The following STPG2 variants were observed in gnomAD, a reference collection of about 807,000 sequenced individuals.
The protein encoded by STPG2 is sperm tail PG-rich repeat containing 2, also known as sperm-tail PG-rich repeat-containing protein 2.
In STPG2, 56 loss-of-function variants were observed where a neutral mutation model predicts 54.2. That is an observed-to-expected ratio of 1.03 (90% CI 0.83 to 1.29). The LOEUF (loss-of-function observed/expected upper bound fraction) is 1.29. Ranked by LOEUF, STPG2 falls within the 50% of genes most tolerant of loss-of-function variation. The pLI, the probability that STPG2 is intolerant of heterozygous loss-of-function variation, is 0.00. For missense variants in STPG2, 596 were observed against 544.9 expected (o/e 1.09, Z -0.93); for synonymous variants, 200 against 181.8 (o/e 1.10, Z -0.81).
chr4:97,837,166 T>C (rs1728658906), intron 9 of STPG2, among the ~76,000 whole-genome samples: 1 of 151,692 alleles, frequency 6.6e-6, no homozygotes, highest in Admixed American at 6.6e-5. Flanking sequence ...TTGGAGTTTT[T>C]ATTACTTTTT....
Position 97,971,131 on chromosome 4 carries a change from A to T in STPG2, c.933+1149T>A, listed in dbSNP as rs571623023. On this transcript the variant is annotated intron_variant, in intron 7 of 10. Coordinates refer to ENST00000295268, the MANE Select transcript of STPG2 (RefSeq NM_174952.3). ...CCATCTCACACCAGTTAGAATGGTGATCATTAAAAAGTCAGAAAACAGCAG... is the reference window on the plus strand; with the variant it reads ...CCATCTCACACCAGTTAGAATGGTGTTCATTAAAAAGTCAGAAAACAGCAG... 3.3e-5 allele frequency among the ~76,000 whole-genome samples: 5 copies of T among 152,356 alleles called. No individual in the cohort carries two copies. In the East Asian group the frequency reaches 9.6e-4, roughly 29 times the overall value.
At chr4:97,949,076 A>G (rs1406430989) in intron 7 of STPG2, among the ~76,000 whole-genome samples, 1 of 152,138 alleles carries the variant, frequency 6.6e-6, no homozygotes, top group African/African-American at 2.4e-5. Context: ...TAATTGTTTT[A>G]AAAATCTGAG....
intron 4 of STPG2, among the ~76,000 whole-genome samples, chr4:97,518,865 C>A (rs943370921): frequency 6.6e-6 from 1 of 152,038 alleles, no homozygotes; most frequent in African/African-American, 2.4e-5. Flanking sequence ...AGGCTCAACA[C>A]CATCCTTTTT....
chr4:97,624,402 G>A (rs1028613636), intron 10 of STPG2, among the ~76,000 whole-genome samples: 3 of 152,082 alleles, frequency 2.0e-5, no homozygotes, highest in Non-Finnish European at 4.4e-5. Context: ...TCATATGTGT[G>A]TTGGCCGCAT....
chr4:98,052,545 T>A (rs909244779), intron 5 of STPG2, among the ~76,000 whole-genome samples: 1 of 152,232 alleles, frequency 6.6e-6, no homozygotes, highest in African/African-American at 2.4e-5. Flanking sequence ...AATATGTTTT[T>A]ATGTTTTGTT....
intron 4 of STPG2, among the ~76,000 whole-genome samples, chr4:97,456,532 C>T (rs1320392108): frequency 6.6e-6 from 1 of 151,940 alleles, no homozygotes; most frequent in Non-Finnish European, 1.5e-5. Flanking sequence ...AACACAGAGC[C>T]AAACCATATT....
Position 98,106,796 on chromosome 4 carries a change from A to G in STPG2, c.501-732T>C, listed in dbSNP as rs1739200653. Among the ~76,000 whole-genome samples the G allele has an allele frequency of 3.3e-5, 5 of 152,184 alleles. No homozygotes were observed. In the South Asian group the frequency reaches 1.0e-3, roughly 32 times the overall value. ...TGGTTAATGCCATACATGGCTCATAATAAGCACACAGTAACTGTTAGCTAT... is the reference window on the plus strand; with the variant it reads ...TGGTTAATGCCATACATGGCTCATAGTAAGCACACAGTAACTGTTAGCTAT... On this transcript the variant is annotated intron_variant, in intron 4 of 10. Coordinates refer to ENST00000295268, the MANE Select transcript of STPG2 (RefSeq NM_174952.3).
chr4:97,756,320 T>C (rs929254725), intron 9 of STPG2, among the ~76,000 whole-genome samples: 3 of 152,082 alleles, frequency 2.0e-5, no homozygotes, highest in African/African-American at 7.2e-5. Context: ...TGTTTTTGTT[T>C]TATTTTGTTT....
intron 5 of STPG2, among the ~76,000 whole-genome samples, chr4:97,983,361 G>A (rs971517150): frequency 6.6e-6 from 1 of 152,122 alleles, no homozygotes; most frequent in African/African-American, 2.4e-5. Flanking sequence ...GTTAACAATA[G>A]CCAATTTGTA....
At chr4:98,086,666 G>GAAAA (rs35225418) in intron 5 of STPG2, among the ~76,000 whole-genome samples, 1,472 of 94,856 alleles carry the variant, frequency 0.016, 59 homozygotes, top group African/African-American at 0.053. Context: ...ATGCATGCCA[G>GAAAA]AAAAAAAAAA....
At chr4:97,666,716 GAAC>G in intron 10 of STPG2, among the ~76,000 whole-genome samples, 1 of 152,158 alleles carries the variant, frequency 6.6e-6, no homozygotes, top group South Asian at 2.1e-4. Context: ...TAAGCCTTGT[GAAC>G]TCGGTAAATT....
intron 10 of STPG2, among the ~76,000 whole-genome samples, chr4:97,625,556 G>A (rs914815534): frequency 3.1e-4 from 47 of 152,152 alleles, no homozygotes; most frequent in East Asian, 1.4e-3. Context: ...CTCGGGATCC[G>A]CCTGCCTCAG....
At position 98,128,568 on chromosome 4, in the gene STPG2, T is replaced by A. The variant is rs1203254971; in HGVS notation, c.247A>T (p.Thr83Ser). 6.2e-7 allele frequency: 1 copy of A among 1,608,054 alleles called. No individual in the cohort carries two copies. The highest frequency in any genetic ancestry group is 8.5e-7 in the Non-Finnish European group (1 of 1,178,308). Reference sequence around the variant, plus strand: ...ATTGAAGGAACATCAACACTTCTGGTAAGTGTAGGTGATCTTGAAATTTTC... The same window carrying A: ...ATTGAAGGAACATCAACACTTCTGGAAAGTGTAGGTGATCTTGAAATTTTC... The part of the protein sequence containing the change: ...AQKISRSPTL[T>S]RSVDVPSIPS... Residue 83 changes from threonine to serine, a missense_variant, in exon 3 of 11, where the codon ACC (threonine) becomes TCC (serine). Thr to Ser is a moderately conservative substitution (Grantham distance 58, BLOSUM62 1). Coordinates refer to ENST00000295268, the MANE Select transcript of STPG2 (RefSeq NM_174952.3).
chr4:97,639,242 A>G (rs535752163), intron 10 of STPG2, among the ~76,000 whole-genome samples: 1 of 152,142 alleles, frequency 6.6e-6, no homozygotes, highest in South Asian at 2.1e-4. Flanking sequence ...AACTATCGCA[A>G]GAACAAAACC....
chr4:97,800,378 G>C (rs1727346247), intron 9 of STPG2, among the ~76,000 whole-genome samples: 1 of 152,182 alleles, frequency 6.6e-6, no homozygotes, highest in African/African-American at 2.4e-5. Context: ...CATCCTTTCT[G>C]TTTGTTAGTT....
At chr4:97,896,606 T>A (rs951542317) in intron 8 of STPG2, among the ~76,000 whole-genome samples, 3 of 151,802 alleles carry the variant, frequency 2.0e-5, no homozygotes, top group African/African-American at 7.2e-5. Flanking sequence ...AATACACCCA[T>A]CACTATCTAT....
intron 9 of STPG2, among the ~76,000 whole-genome samples, chr4:97,785,583 G>A (rs2149075936): frequency 6.6e-6 from 1 of 152,176 alleles, no homozygotes; most frequent in Admixed American, 6.5e-5. Context: ...TTGTTCAAAT[G>A]TTATAGTGGT....
intron 9 of STPG2, among the ~76,000 whole-genome samples, chr4:97,777,135 G>A (rs1726402846): frequency 6.6e-6 from 1 of 152,150 alleles, no homozygotes; most frequent in Admixed American, 6.5e-5. Flanking sequence ...TGGTTAAAAT[G>A]CACTTCGTAC....
intron 10 of STPG2, among the ~76,000 whole-genome samples, chr4:97,672,746 A>T (rs1722737816): frequency 6.6e-6 from 1 of 152,232 alleles, no homozygotes. Flanking sequence ...ATCAGTATGC[A>T]TTTAACTGCC....
Sources: gnomAD v4.1 joint callset for allele counts (sites outside exome capture counted in the v4.1 genomes callset) on GRCh38, gnomAD v4.1.1 for gene constraint, MANE v1.5 for transcripts, NCBI Gene and HGNC (gene_info 2026-07-23, HGNC 2026-07-21) for gene names.